The following UHRF2 variants were observed in gnomAD, a reference collection of about 807,000 sequenced individuals.
The protein encoded by UHRF2 is ubiquitin like with PHD and ring finger domains 2.
In UHRF2, 23 loss-of-function variants were observed where a neutral mutation model predicts 96.8. That is an observed-to-expected ratio of 0.24 (90% confidence interval 0.17 to 0.34). The LOEUF (loss-of-function observed/expected upper bound fraction) is 0.34. UHRF2 is among the 10% of genes least tolerant of loss of function. The pLI is 1.00. For synonymous variants in UHRF2, 385 were observed against 332.6 expected, an observed-to-expected ratio of 1.16 and a Z score of -1.72; for missense variants, 685 against 981.5, an observed-to-expected ratio of 0.70 and a Z score of 4.04.
chr9:6,504,397 C>T (rs1201349767), intron 14 of UHRF2, 196 bp from the exon 15 acceptor site: 1 of 387,122 alleles, frequency 2.6e-6, no homozygotes, highest in Non-Finnish European at 4.7e-6. Context: ...TTTTGGGATA[C>T]ATGTGAAATT....
At chr9:6,431,909 C>G (rs1361681401) in intron 2 of UHRF2, among the ~76,000 whole-genome samples, 1 of 152,176 alleles carries the variant, frequency 6.6e-6, no homozygotes, top group African/African-American at 2.4e-5. Flanking sequence ...CTCTGCTATG[C>G]AATATTTTTA....
chr9:6,416,319 C>T (rs537148320), intron 1 of UHRF2, among the ~76,000 whole-genome samples: 1 of 152,194 alleles, frequency 6.6e-6, no homozygotes, highest in East Asian at 1.9e-4. Flanking sequence ...GCGCCCACCT[C>T]GGCTTCCCAA....
At chr9:6,443,727 AC>A (rs1821326775) in intron 3 of UHRF2, among the ~76,000 whole-genome samples, 1 of 152,206 alleles carries the variant, frequency 6.6e-6, no homozygotes, top group African/African-American at 2.4e-5. Flanking sequence ...TTCAACTGTT[AC>A]TTTTAATACA....
chr9:6,431,307 T>A (rs146627660), intron 2 of UHRF2, among the ~76,000 whole-genome samples: 6 of 152,284 alleles, frequency 3.9e-5, no homozygotes, highest in African/African-American at 9.6e-5. Context: ...CTATATTTAG[T>A]AGGATAATCC....
chr9:6,456,559 G>C (rs533593312), intron 3 of UHRF2, among the ~76,000 whole-genome samples: 287 of 152,232 alleles, frequency 1.9e-3, no homozygotes, highest in Non-Finnish European at 2.9e-3. Flanking sequence ...TGTCAATTTT[G>C]GCTTCTGTTG....
intron 3 of UHRF2, among the ~76,000 whole-genome samples, chr9:6,451,546 G>C (rs1472646567): frequency 2.0e-5 from 3 of 151,338 alleles, no homozygotes; most frequent in Admixed American, 6.6e-5. Context: ...GCGCGATCTC[G>C]GCTCACTGCA....
chr9:6,460,510 A>G (rs1397177743), intron 3 of UHRF2, 63 bp from the exon 4 acceptor site: 2 of 1,396,122 alleles, frequency 1.4e-6, no homozygotes, highest in Non-Finnish European at 2.0e-6. Context: ...GTTTTTCTGT[A>G]CATTGCATAA....
intron 5 of UHRF2, among the ~76,000 whole-genome samples, chr9:6,476,930 C>G (rs561154906): frequency 6.6e-6 from 1 of 152,220 alleles, no homozygotes; most frequent in Middle Eastern, 3.4e-3. Flanking sequence ...CTTGATTATT[C>G]TTTTTGGTTC....
At chr9:6,465,178 T>C (rs1822784369) in intron 4 of UHRF2, among the ~76,000 whole-genome samples, 1 of 152,200 alleles carries the variant, frequency 6.6e-6, no homozygotes, top group Non-Finnish European at 1.5e-5. Flanking sequence ...ATTTCATCAA[T>C]AACTACAATG....
chr9:6,428,736 A>G (rs1214130482), intron 2 of UHRF2, among the ~76,000 whole-genome samples: 2 of 151,830 alleles, frequency 1.3e-5, no homozygotes, highest in East Asian at 1.9e-4. Flanking sequence ...TTTCGTAGAG[A>G]CAGAGTTTCA....
intron 3 of UHRF2, among the ~76,000 whole-genome samples, chr9:6,451,456 G>T (rs1466919534): frequency 5.4e-5 from 1 of 18,672 alleles, no homozygotes; most frequent in Non-Finnish European, 4.5e-4. Context: ...TTCTTACCTA[G>T]TTTTTTTTTG....
At chr9:6,476,867 A>G (rs1033695258) in intron 5 of UHRF2, among the ~76,000 whole-genome samples, 4 of 152,146 alleles carry the variant, frequency 2.6e-5, no homozygotes, top group African/African-American at 9.7e-5. Context: ...TGCTGGTATT[A>G]CAGGCATGAG....
intron 4 of UHRF2, among the ~76,000 whole-genome samples, chr9:6,465,023 A>G (rs1429539462): frequency 1.3e-5 from 2 of 152,150 alleles, no homozygotes; most frequent in Non-Finnish European, 2.9e-5. Flanking sequence ...TCTGTGAATT[A>G]TTACATTTTT....
At chr9:6,451,773 T>TTTTTTGTTG (rs1554625815) in intron 3 of UHRF2, among the ~76,000 whole-genome samples, 16 of 148,802 alleles carry the variant, frequency 1.1e-4, no homozygotes, top group Non-Finnish European at 1.6e-4. Flanking sequence ...GCCCGGCCTG[T>TTTTTTGTTG]TTGTTGTTGT....
chr9:6,454,259 A>T (rs1464391901), intron 3 of UHRF2, among the ~76,000 whole-genome samples: 1 of 152,244 alleles, frequency 6.6e-6, no homozygotes, highest in Non-Finnish European at 1.5e-5. Context: ...GCAGACTGAA[A>T]ATAGAACATC....
At position 6,463,300 on chromosome 9, in the gene UHRF2, T is replaced by C. The variant is rs913250884; in HGVS notation, c.863+2509T>C. Among the ~76,000 whole-genome samples, 8 of 151,290 alleles carry C rather than the reference T, an allele frequency of 5.3e-5. No individual in the cohort carries two copies. In the East Asian group the frequency reaches 1.4e-3, roughly 26 times the overall value. On this transcript the variant is annotated intron_variant, in intron 4 of 15. Coordinates refer to ENST00000276893, the MANE Select transcript of UHRF2 (RefSeq NM_152896.3). The stretch of plus-strand genomic sequence containing the variant: ...TCGTCTCAATAAAAAAAAAAAGACT[T>C]GAGTGGAAATTATGGATAGGCAAAT...
At chr9:6,498,282 A>G in intron 12 of UHRF2, 124 bp downstream of exon 12, 1 of 1,037,960 alleles carries the variant, frequency 9.6e-7, no homozygotes, top group East Asian at 2.8e-5. Context: ...GGTGAGGAAT[A>G]AGATCATGCA....
intron 15 of UHRF2, among the ~76,000 whole-genome samples, chr9:6,505,447 C>A (rs1269367541): frequency 6.6e-6 from 1 of 152,066 alleles, no homozygotes; most frequent in East Asian, 1.9e-4. Context: ...AAGCATGCAC[C>A]ACCCTGCCCA....
chr9:6,449,587 G>A (rs1490045520), intron 3 of UHRF2: 2 of 152,210 alleles, frequency 1.3e-5, no homozygotes, highest in African/African-American at 4.8e-5. Flanking sequence ...TCAGATCTGA[G>A]ACTGGTATCC....
Sources: allele counts gnomAD v4.1 joint callset (sites outside exome capture counted in the v4.1 genomes callset), GRCh38; gene constraint gnomAD v4.1.1; transcripts MANE v1.5; gene names NCBI Gene and HGNC (gene_info 2026-07-23, HGNC 2026-07-21).